Variants in ERCC6 observed in about 807,000 individuals in gnomAD.
The protein encoded by ERCC6 is ERCC excision repair 6, chromatin remodeling factor.
Under a neutral mutation model 158.7 loss-of-function variants are expected in ERCC6, and 116 were observed. The ratio of observed to expected loss-of-function variants is 0.73; its 90% confidence interval spans 0.63 to 0.85. The LOEUF (loss-of-function observed/expected upper bound fraction) is 0.85, where lower values mean the gene tolerates loss of function less well. ERCC6 is among the 40% of genes least tolerant of loss of function. The probability of loss-of-function intolerance (pLI) is 0.00; values close to 1 mark genes in which losing one functional copy is unlikely to be tolerated. For missense variants in ERCC6, 1,698 were observed against 1,799.4 expected, an observed-to-expected ratio of 0.94 and a Z score of 1.02; for synonymous variants, 678 against 659.3, an observed-to-expected ratio of 1.03 and a Z score of -0.43.
At chr10:49,503,339 C>T (rs1470874239) in intron 6 of ERCC6, 6 of 152,032 alleles carry the variant, frequency 3.9e-5, no homozygotes, top group African/African-American at 1.4e-4. Flanking sequence ...TCTTCGACGG[C>T]TTTCAAACAG....
In ERCC6 at chr10:49,500,595, A is replaced by G. The variant is rs1328222039; in HGVS notation, c.1628T>C (p.Ile543Thr). 1 of 1,613,984 alleles carries G rather than the reference A, an allele frequency of 6.2e-7. No individual in the cohort carries two copies. The change falls in exon 7 of 21, where the codon ATT becomes ACT. Residue 543 changes from isoleucine (I) to threonine (T), a missense_variant. By Grantham distance (89) the Ile-to-Thr change is moderately conservative (BLOSUM62 -1). Coordinates refer to ENST00000355832, the MANE Select transcript of ERCC6 (RefSeq NM_000124.4). ...EMGLGKTIQI[I>T]AFLAGLSYSK... ...GTAGCTCAGACCTGCCAAGAAGGCA[A>G]TTATCTGGATGGTCTTGCCCAATCC...
At chr10:49,478,710 C>T (rs746572889) in intron 10 of ERCC6, among the ~76,000 whole-genome samples, 1 of 152,106 alleles carries the variant, frequency 6.6e-6, no homozygotes, top group Non-Finnish European at 1.5e-5. Flanking sequence ...CCAAAATGTA[C>T]AACAAAAGAA....
the ERCC6 span, among the ~76,000 whole-genome samples, chr10:49,442,457 C>T: frequency 3.9e-5 from 6 of 152,320 alleles, no homozygotes; most frequent in South Asian, 1.2e-3. Flanking sequence ...AAGGTGCTGC[C>T]CTTCCTCTCT....
In ERCC6 at chr10:49,473,123, G is replaced by T. The variant is rs183489509; in HGVS notation, c.2710-95C>A. The T allele has an allele frequency of 4.8e-5, 75 of 1,555,434 alleles. No homozygotes were observed. The East Asian group carries it at 1.6e-3, about 34-fold the overall frequency. On this transcript the variant is annotated intron_variant, in intron 14 of 20. Coordinates refer to ENST00000355832, the MANE Select transcript of ERCC6 (RefSeq NM_000124.4). ...ACATATTGTACACATGGAATTACTGGGCTGTTCCCAATATAAGGAATGGTA... is the reference window on the plus strand; with the variant it reads ...ACATATTGTACACATGGAATTACTGTGCTGTTCCCAATATAAGGAATGGTA...
In ERCC6 at chr10:49,482,539, A is replaced by AT. The variant is rs571372686; in HGVS notation, c.2169+147dup. On this transcript the variant is annotated intron_variant, in intron 10 of 20. Transcript: ENST00000355832. The stretch of plus-strand genomic sequence containing the variant: ...ATGATCAAGCAAAGATAATTTTGTG[A>AT]TTTTTTTTTTTTTTTTTTAACCAGA... The AT allele has an allele frequency of 0.32, 151,289 of 467,624 alleles. 14,491 individuals are homozygous for AT. Among genetic ancestry groups the AT allele is most frequent in the African/African-American group, 0.45 (21,425 of 48,110 alleles). The allele number at this position is 467,624 out of a possible 1,614,324, so 29.0% of individuals were successfully genotyped here. A position where few individuals can be genotyped will look rare whatever the true frequency, so the allele number is the denominator to read the frequency against.
chr10:49,472,793 T>C lies in ERCC6; in HGVS notation c.2829+116A>G, dbSNP rs1046972794. On this transcript the variant is annotated intron_variant, in intron 15 of 20. Transcript: ENST00000355832. ...TTTCACGTTGAAGAACAGGAGACAA[T>C]CAAAATGTGAAACGTATGCTGAAGC... 206 of 1,281,308 alleles carry C rather than the reference T, an allele frequency of 1.6e-4. 1 individual carries two copies. The highest frequency in any genetic ancestry group is 4.6e-5 in the Non-Finnish European group (42 of 923,036). The allele number at this position is 1,281,308 out of a possible 1,614,324, so 79.4% of individuals were successfully genotyped here.
intron 11 of ERCC6, among the ~76,000 whole-genome samples, chr10:49,476,805 C>A (rs543840830): frequency 1.3e-5 from 2 of 152,266 alleles, no homozygotes; most frequent in African/African-American, 4.8e-5. Flanking sequence ...TGCGATCGTG[C>A]TCTGTGACCC....
intron 5 of ERCC6, chr10:49,515,554 A>G (rs1470430924): frequency 6.2e-7 from 1 of 1,614,176 alleles, no homozygotes; most frequent in Middle Eastern, 1.6e-4. Context: ...AGATAATGGC[A>G]TACCACACGT....
Position 49,458,579 on chromosome 10 carries a change from T to C in ERCC6, c.*236A>G, listed in dbSNP as rs1477403844. On this transcript the variant is annotated 3_prime_UTR_variant, in exon 21 of 21. Transcript: ENST00000355832. ...TACCTGATTTACAATATAATTAGAT[T>C]GCCAAAAAAAAAAAAATCAATCCAA... 1 of 520,754 alleles carries C rather than the reference T, an allele frequency of 1.9e-6. No homozygotes were observed. Among genetic ancestry groups the C allele is most frequent in the East Asian group, 3.4e-5 (1 of 29,098 alleles). 32.3% of individuals were successfully genotyped at this position (520,754 alleles called of 1,614,324 possible).
At chr10:49,492,374 T>G (rs1336430550) in intron 8 of ERCC6, among the ~76,000 whole-genome samples, 4 of 152,158 alleles carry the variant, frequency 2.6e-5, no homozygotes, top group Non-Finnish European at 5.9e-5. Context: ...TAATGTAACC[T>G]GCAAATTCAC....
chr10:49,452,241 A>G (rs992866523), downstream of ERCC6, among the ~76,000 whole-genome samples: 1 of 151,870 alleles, frequency 6.6e-6, no homozygotes, highest in East Asian at 1.9e-4. Flanking sequence ...TACACCTATA[A>G]ATTTCCTCTA....
At chr10:49,439,850 C>T in the ERCC6 span, among the ~76,000 whole-genome samples, 26 of 152,302 alleles carry the variant, frequency 1.7e-4, no homozygotes, top group Non-Finnish European at 2.6e-4. Context: ...GGGCAAAATG[C>T]TGCCAGTATC....
At chr10:49,498,062 A>G (rs1335647661) in intron 7 of ERCC6, among the ~76,000 whole-genome samples, 2 of 152,238 alleles carry the variant, frequency 1.3e-5, no homozygotes, top group Non-Finnish European at 2.9e-5. Context: ...AAGTGAAAAG[A>G]AGGTGGTGTA....
chr10:49,474,085 A>G lies in ERCC6; in HGVS notation c.2540T>C (p.Leu847Ser), dbSNP rs761812362. The G allele has an allele frequency of 1.3e-5, 21 of 1,614,020 alleles. No homozygotes were observed. Among genetic ancestry groups the G allele is most frequent in the Middle Eastern group, 1.6e-4 (1 of 6,084 alleles). The change falls in exon 13 of 21, where the codon TTG becomes TCG. Residue 847 changes from leucine (L) to serine (S), a missense_variant. Coordinates refer to ENST00000355832, the MANE Select transcript of ERCC6 (RefSeq NM_000124.4). Reference protein sequence around the residue: ...RSGKMIVVESLLKIWHKQGQR... With the variant: ...RSGKMIVVESSLKIWHKQGQR... ...ACCCTGCTTGTGCCATATTTTCAACAAAGACTCAACAACAATCATTTTCCC... is the reference window on the plus strand; with the variant it reads ...ACCCTGCTTGTGCCATATTTTCAACGAAGACTCAACAACAATCATTTTCCC...
At position 49,524,722 on chromosome 10, in the gene ERCC6, C is replaced by T; in HGVS notation, c.708G>A (p.Trp236Ter). Residue 236 changes from tryptophan (W) to a stop codon, truncating the protein, a stop_gained, in exon 5 of 21, where the codon TGG becomes TGA. Coordinates refer to ENST00000355832, the MANE Select transcript of ERCC6 (RefSeq NM_000124.4). LOFTEE classifies it high-confidence loss of function. Reference protein sequence around the residue: ...SMLMPVQETAWEELIRTGQMT... With the variant: ...SMLMPVQETA ...TCTGGCCAGTGCGGATGAGCTCTTC[C>T]CAGGCAGTCTCCTGGACAGGCATGA... 1 of 1,607,256 alleles carries T rather than the reference C, an allele frequency of 6.2e-7. No individual in the cohort carries two copies. Among genetic ancestry groups the T allele is most frequent in the Non-Finnish European group, 8.5e-7 (1 of 1,179,998 alleles).
Position 49,500,633 on chromosome 10 carries a change from C to A in ERCC6, c.1590G>T (p.Leu530=), listed in dbSNP as rs2132575151. 5.0e-6 allele frequency: 8 copies of A among 1,614,026 alleles called. No homozygotes were observed. Among genetic ancestry groups the A allele is most frequent in the Non-Finnish European group, 5.9e-6 (7 of 1,179,920 alleles). Residue 530 remains leucine (L), a synonymous_variant, in exon 7 of 21, where the codon CTG becomes CTT. Transcript: ENST00000355832. The part of the protein sequence containing the change: ...ELHCQQAGGI[L]GDEMGLGKTI... ...TCTTGCCCAATCCCATTTCATCTCC[C>A]AGAATTCCTCCTGCCTGCTGGCAGT...
intron 15 of ERCC6, 63 bp from the exon 16 acceptor site, chr10:49,472,533 A>G: frequency 6.4e-7 from 1 of 1,550,768 alleles, no homozygotes; most frequent in Non-Finnish European, 8.9e-7. Flanking sequence ...ACTGACTATA[A>G]GAAACAAAGC....
Position 49,457,948 on chromosome 10 carries a change from C to T in ERCC6, c.*867G>A, listed in dbSNP as rs2132522526. The T allele has an allele frequency of 6.6e-6, 1 of 152,398 alleles. No homozygotes were observed. The highest frequency in any genetic ancestry group is 3.4e-3 in the Middle Eastern group (1 of 292). 9.4% of individuals were successfully genotyped at this position (152,398 alleles called of 1,614,324 possible). A position where few individuals can be genotyped will look rare whatever the true frequency, so the allele number is the denominator to read the frequency against. On this transcript the variant is annotated 3_prime_UTR_variant, in exon 21 of 21. Transcript: ENST00000355832. ...CGAAGGCAACTGGAGAGAAGACAGC[C>T]TGCCAGCCTGCAGACAAGAGAGGCC...
intron 11 of ERCC6, among the ~76,000 whole-genome samples, chr10:49,476,876 T>A (rs1194260955): frequency 6.6e-6 from 1 of 152,180 alleles, no homozygotes; most frequent in East Asian, 1.9e-4. Flanking sequence ...TTCCCACGGA[T>A]GCTCATTTAG....
Sources: allele counts gnomAD v4.1 joint callset (sites outside exome capture counted in the v4.1 genomes callset), GRCh38; gene constraint gnomAD v4.1.1; transcripts MANE v1.5; gene names NCBI Gene and HGNC (gene_info 2026-07-23, HGNC 2026-07-21).